TTYH3: variants seen among roughly 807,000 people sequenced by gnomAD.
TTYH3 encodes protein tweety homolog 3.
A neutral mutation model predicts 68.2 loss-of-function variants in TTYH3; 23 were observed. That is an observed-to-expected ratio of 0.34 (90% CI 0.24 to 0.48). The LOEUF (loss-of-function observed/expected upper bound fraction) is 0.48, where lower values mean the gene tolerates loss of function less well. Among genes scored for constraint, TTYH3 ranks in the 20% least tolerant of loss-of-function variants. TTYH3 has a pLI of 0.99. For missense variants in TTYH3, 768 were observed against 727.7 expected (o/e 1.06, Z -0.64); for synonymous variants, 360 against 332.8 (o/e 1.08, Z -0.89).
At position 2,645,209 on chromosome 7, in the gene TTYH3, G is replaced by A. The variant is rs936417734; in HGVS notation, c.124-1644G>A. ...TGTATCAGCTCCCCATCCCTCCCCC[G>A]GCACAGGAAGTGTGTGGAGGTTCTG... On this transcript the variant is annotated intron_variant, in intron 1 of 13. Transcript: ENST00000258796. This position sits in a 1 kb window ranked among gnomAD's most constrained non-coding sequence, Gnocchi z 4.8. 6.6e-6 allele frequency among the ~76,000 whole-genome samples: 1 copy of A among 152,190 alleles called. No homozygotes were observed. The highest frequency in any genetic ancestry group is 2.1e-4 in the South Asian group (1 of 4,826).
chr7:2,635,396 G>A (rs931647875), intron 1 of TTYH3, among the ~76,000 whole-genome samples: 1 of 152,200 alleles, frequency 6.6e-6, no homozygotes, highest in Non-Finnish European at 1.5e-5. Context: ...GGGGAGGCCT[G>A]CCTGCTCAGC....
chr7:2,640,413 C>G (rs989710018), intron 1 of TTYH3, among the ~76,000 whole-genome samples: 1 of 149,830 alleles, frequency 6.7e-6, no homozygotes, highest in African/African-American at 2.4e-5. Flanking sequence ...TGGGGGGGGA[C>G]GTGTGTTCCA....
chr7:2,647,021 A>T lies in TTYH3; in HGVS notation c.292A>T (p.Ser98Cys). 7.5e-7 allele frequency: 1 copy of T among 1,334,654 alleles called. No homozygotes were observed. The highest frequency in any genetic ancestry group is 9.9e-7 in the Non-Finnish European group (1 of 1,011,084). The allele number at this position is 1,334,654 out of a possible 1,614,324, so 82.7% of individuals were successfully genotyped here. ...TGTCATCATCGCCACGCTGGTGTGC[A>T]GGTGAGCGCGGTGGGGCGGGGACGG... ...WCVIIATLVC[S>C]AGIAVGFYGN... Residue 98 changes from serine (S) to cysteine (C), a missense_variant and splice_region_variant, in exon 2 of 14, where the codon AGC becomes TGC. Coordinates refer to ENST00000258796, the MANE Select transcript of TTYH3 (RefSeq NM_025250.3).
At chr7:2,656,758 C>T (rs780209408) in intron 11 of TTYH3, among the ~76,000 whole-genome samples, 4 of 152,196 alleles carry the variant, frequency 2.6e-5, no homozygotes, top group African/African-American at 7.2e-5. Context: ...GAGGAGCTCC[C>T]GGCCTGGGTT....
chr7:2,658,317 G>T lies in TTYH3; in HGVS notation c.1282G>T (p.Ala428Ser). The T allele has an allele frequency of 6.3e-7, 1 of 1,598,018 alleles. No homozygotes were observed. Among genetic ancestry groups the T allele is most frequent in the East Asian group, 2.3e-5 (1 of 44,344 alleles). The change falls in exon 12 of 14, where the codon GCT (alanine) becomes TCT (serine). Residue 428 changes from alanine to serine, a missense_variant. Physicochemically the swap from Ala to Ser is moderately conservative, Grantham distance 99. Transcript: ENST00000258796. ...GPDEDGEEEA[A>S]PGPRQAHDSL... ...TGATGAGGACGGGGAGGAGGAGGCC[G>T]CTCCAGGGCCGCGGCAGGCGCACGA...
At chr7:2,650,511 G>T (rs1188202693) in intron 7 of TTYH3, among the ~76,000 whole-genome samples, 1 of 152,048 alleles carries the variant, frequency 6.6e-6, no homozygotes, top group South Asian at 2.1e-4. Flanking sequence ...CCAGGAGGTG[G>T]AGGTTGCAAT....
At chr7:2,658,511 G>C (rs1162645601) in intron 12 of TTYH3, 52 bp downstream of exon 12, 1 of 1,560,112 alleles carries the variant, frequency 6.4e-7, no homozygotes. Context: ...CTGCGGCTGA[G>C]AGCGCGGATC....
At position 2,649,958 on chromosome 7, in the gene TTYH3, A is replaced by G. The variant is rs1409009371; in HGVS notation, c.841A>G (p.Met281Val). The change falls in exon 7 of 14, where the codon ATG (methionine) becomes GTG (valine). Residue 281 changes from methionine to valine, a missense_variant. By Grantham distance (21) the Met-to-Val change is conservative. Coordinates refer to ENST00000258796, the MANE Select transcript of TTYH3 (RefSeq NM_025250.3). Reference protein sequence around the residue: ...CVDPDAYVTKMVEEYSVLSGD... With the variant: ...CVDPDAYVTKVVEEYSVLSGD... ...GGACCCTGACGCCTACGTGACCAAA[A>G]TGGTGGAGGAGTACTCGGTGCTGAG... The G allele has an allele frequency of 6.2e-7, 1 of 1,613,850 alleles. No homozygotes were observed. Among genetic ancestry groups the G allele is most frequent in the Admixed American group, 1.7e-5 (1 of 59,996 alleles).
At position 2,649,901 on chromosome 7, in the gene TTYH3, C is replaced by T. The variant is rs377005645; in HGVS notation, c.796-12C>T. The T allele has an allele frequency of 6.6e-5, 106 of 1,613,752 alleles. No individual in the cohort carries two copies. Among genetic ancestry groups the T allele is most frequent in the Non-Finnish European group, 8.0e-5 (94 of 1,179,864 alleles). On this transcript the variant is annotated splice_polypyrimidine_tract_variant and intron_variant, in intron 6 of 13. Coordinates refer to ENST00000258796, the MANE Select transcript of TTYH3 (RefSeq NM_025250.3). ...TTGGTCAACCCCTCTTGCTTGCCCA[C>T]GCCCACCTCAGGGCTCCAGCGACTT...
chr7:2,644,831 C>T (rs1002969402), intron 1 of TTYH3, among the ~76,000 whole-genome samples: 1 of 152,176 alleles, frequency 6.6e-6, no homozygotes, highest in Non-Finnish European at 1.5e-5. Context: ...TGGACGTCGG[C>T]CGGCTTCCTG....
chr7:2,656,179 C>T lies in TTYH3; in HGVS notation c.1108C>T (p.His370Tyr). Reference protein sequence around the residue: ...LTALVDCRSLHLDYVQALTGF... With the variant: ...LTALVDCRSLYLDYVQALTGF... ...CGCCCTGGTGGACTGCCGCAGCCTG[C>T]ATCTGGTGAGAGGCAGGGCCTGGGA... Residue 370 changes from histidine (H) to tyrosine (Y), a missense_variant, in exon 10 of 14, where the codon CAT becomes TAT. Transcript: ENST00000258796. The T allele has an allele frequency of 6.4e-7, 1 of 1,565,980 alleles. No homozygotes were observed. The highest frequency in any genetic ancestry group is 2.4e-5 in the East Asian group (1 of 42,238).
chr7:2,632,167 C>G lies in TTYH3; in HGVS notation c.12C>G (p.Val4=). The part of the protein sequence containing the change: MAG[V]SYAAPWWVSL... Reference sequence around the variant, plus strand: ...GGCCGGGCCCCGCCATGGCCGGGGTCAGCTACGCGGCGCCCTGGTGGGTGA... The same window carrying G: ...GGCCGGGCCCCGCCATGGCCGGGGTGAGCTACGCGGCGCCCTGGTGGGTGA... Residue 4 remains valine (V), a synonymous_variant, in exon 1 of 14, where the codon GTC becomes GTG. Coordinates refer to ENST00000258796, the MANE Select transcript of TTYH3 (RefSeq NM_025250.3). The G allele has an allele frequency of 6.8e-7, 1 of 1,474,976 alleles. No homozygotes were observed. The highest frequency in any genetic ancestry group is 1.4e-5 in the African/African-American group (1 of 69,338). The allele number at this position is 1,474,976 out of a possible 1,614,324, so 91.4% of individuals were successfully genotyped here. A position where few individuals can be genotyped will look rare whatever the true frequency, so the allele number is the denominator to read the frequency against.
intron 13 of TTYH3, chr7:2,660,523 C>T (rs1786466088): frequency 1.0e-6 from 1 of 985,404 alleles, no homozygotes; most frequent in Non-Finnish European, 1.2e-6. Flanking sequence ...TGGGCTCCTT[C>T]AGGGGTCTGC....
intron 12 of TTYH3, among the ~76,000 whole-genome samples, 197 bp downstream of exon 12, chr7:2,658,656 G>T (rs1008283686): frequency 1.1e-4 from 17 of 152,230 alleles, no homozygotes; most frequent in East Asian, 1.9e-4. Context: ...TCACATGGAG[G>T]TTCCGTGTCC....
At chr7:2,652,743 T>C (rs77310736) in intron 8 of TTYH3, 175 bp from the exon 9 acceptor site, 7,657 of 604,210 alleles carry the variant, frequency 0.013, 426 homozygotes, top group African/African-American at 0.12. Context: ...CTGTGGTCTC[T>C]GGGTGTGTCC....
intron 1 of TTYH3, among the ~76,000 whole-genome samples, chr7:2,641,045 C>G (rs1410416534): frequency 1.3e-5 from 2 of 152,166 alleles, no homozygotes; most frequent in African/African-American, 4.8e-5. Flanking sequence ...GGGGAAGGCT[C>G]CAGGCCCAGG....
rs865967748 is a variant in TTYH3 at position 2,645,635 on chromosome 7, G to A, written c.124-1218G>A. On this transcript the variant is annotated intron_variant, in intron 1 of 13. Transcript: ENST00000258796. The surrounding 1 kb of genome is among the most constrained non-coding windows in gnomAD (Gnocchi z 4.8). ...GCGCCTGTATGCAGCCTGTAGCAGT[G>A]TGGGGCCAGCCCCACCATCTCATCC... 7.8e-6 allele frequency: 3 copies of A among 386,178 alleles called. No individual in the cohort carries two copies. The highest frequency in any genetic ancestry group is 1.1e-3 in the Middle Eastern group (2 of 1,770). The allele number at this position is 386,178 out of a possible 1,614,324, so 23.9% of individuals were successfully genotyped here.
At chr7:2,633,305 C>A (rs1233936144) in intron 1 of TTYH3, among the ~76,000 whole-genome samples, 1 of 152,146 alleles carries the variant, frequency 6.6e-6, no homozygotes, top group Non-Finnish European at 1.5e-5. Context: ...CGGTATTCCG[C>A]GGGCAGCCTA....
At chr7:2,651,309 T>C (rs1171777302) in intron 7 of TTYH3, among the ~76,000 whole-genome samples, 3 of 152,198 alleles carry the variant, frequency 2.0e-5, no homozygotes, top group African/African-American at 7.2e-5. Context: ...GGCTGGTTTT[T>C]TACCTGCCTT....
Sources: allele counts gnomAD v4.1 joint callset (sites outside exome capture counted in the v4.1 genomes callset), GRCh38; gene constraint gnomAD v4.1.1; non-coding constraint Gnocchi (gnomAD v3.1); transcripts MANE v1.5; gene names NCBI Gene and HGNC (gene_info 2026-07-23, HGNC 2026-07-21).